PTGES3L: variants seen among roughly 807,000 people sequenced by gnomAD.
PTGES3L encodes the protein prostaglandin E synthase 3 like.
PTGES3L carries 17 observed loss-of-function variants against 25.0 expected under a neutral mutation model. The ratio of observed to expected loss-of-function variants is 0.68; its 90% CI spans 0.47 to 1.02. The LOEUF (loss-of-function observed/expected upper bound fraction) is 1.02. PTGES3L is among the 50% of genes least tolerant of loss of function. PTGES3L has a pLI of 0.00. For missense variants in PTGES3L, 202 were observed against 197.5 expected (o/e 1.02, Z -0.14); for synonymous variants, 59 against 65.7 (o/e 0.90, Z 0.50).
intron 4 of PTGES3L, among the ~76,000 whole-genome samples, chr17:42,972,365 G>GTCTCCCTCTCATGC (rs2049859167): frequency 1.0e-5 from 1 of 95,362 alleles, no homozygotes; most frequent in Non-Finnish European, 1.9e-5. Flanking sequence ...TCTTTCCACG[G>GTCTCCCTCTCATGC]TCTCCCTCTC....
intron 4 of PTGES3L, among the ~76,000 whole-genome samples, chr17:42,978,139 G>A (rs1044326384): frequency 4.0e-5 from 6 of 148,852 alleles, no homozygotes; most frequent in East Asian, 3.9e-4. Flanking sequence ...GGGCACATTG[G>A]CTCACGCCTG....
intron 4 of PTGES3L, among the ~76,000 whole-genome samples, chr17:42,972,981 C>G (rs2049876007): frequency 6.8e-6 from 1 of 147,454 alleles, no homozygotes; most frequent in African/African-American, 2.5e-5. Flanking sequence ...GCTGCCCCAT[C>G]TGGGATGTGA....
At position 42,970,330 on chromosome 17, in the gene PTGES3L, C is replaced by A. The variant is rs934758029; in HGVS notation, c.391G>T (p.Val131Phe). 5 of 1,613,796 alleles carry A rather than the reference C, an allele frequency of 3.1e-6. No homozygotes were observed. In the East Asian group the frequency reaches 6.7e-5, roughly 22 times the overall value. Residue 131 changes from valine (V) to phenylalanine (F), a missense_variant, in exon 6 of 7, where the codon GTC becomes TTC. Physicochemically the swap from Val to Phe is conservative, Grantham distance 50. Transcript: ENST00000591916. ...GCAGGTGGAGGTCTCTTGGTGCTGACCTTCTTCAAAAGCTAGTGGGAAGAA... is the reference window on the plus strand; with the variant it reads ...GCAGGTGGAGGTCTCTTGGTGCTGAACTTCTTCAAAAGCTAGTGGGAAGAA... ...VEHYAELLKK[V>F]STKRPPPAMD...
intron 4 of PTGES3L, among the ~76,000 whole-genome samples, chr17:42,976,564 G>C (rs560104673): frequency 6.6e-6 from 1 of 152,130 alleles, no homozygotes; most frequent in South Asian, 2.1e-4. Context: ...ATTTTTAGTA[G>C]AGACGGCGTT....
rs2151947808 is a variant in PTGES3L, at chr17:42,971,661, T to C, written c.324A>G (p.Arg108=). Reference sequence around the variant, plus strand: ...CCATCTCTTCATCCCCTTCCCAGTCTCTCCAGTTATCAAAGTCCACAGACA... The same window carrying C: ...CCATCTCTTCATCCCCTTCCCAGTCCCTCCAGTTATCAAAGTCCACAGACA... ...VWLSVDFDNW[R]DWEGDEEMEL... The change falls in exon 5 of 7, where the codon AGA becomes AGG. Residue 108 remains arginine (R), a synonymous_variant. Transcript: ENST00000591916. 6.2e-7 allele frequency: 1 copy of C among 1,613,850 alleles called. No individual in the cohort carries two copies. The highest frequency in any genetic ancestry group is 2.2e-5 in the East Asian group (1 of 44,868).
Position 42,969,076 on chromosome 17 carries a change from G to T in PTGES3L, c.*72C>A. The T allele has an allele frequency of 8.6e-7, 1 of 1,160,384 alleles. No individual in the cohort carries two copies. The highest frequency in any genetic ancestry group is 2.6e-5 in the East Asian group (1 of 39,102). 71.9% of individuals were successfully genotyped at this position (1,160,384 alleles called of 1,614,324 possible). A position where few individuals can be genotyped will look rare whatever the true frequency, so the allele number is the denominator to read the frequency against. ...GTGCACAGCCAAAGCGCTGACAAAG[G>T]CCTAGGCGCTAGCTTTCTAGAACAA... On this transcript the variant is annotated 3_prime_UTR_variant, in exon 7 of 7. Transcript: ENST00000591916.
In PTGES3L at chr17:42,971,734, G is replaced by C. The variant is rs779332264; in HGVS notation, c.289-38C>G. 3.1e-6 allele frequency: 5 copies of C among 1,609,042 alleles called. No individual in the cohort carries two copies. The African/African-American group carries it at 5.3e-5, about 17-fold the overall frequency. On this transcript the variant is annotated intron_variant, in intron 4 of 6. Transcript: ENST00000591916. ...GCACCAAGAGTCACAGGCCAGGAGG[G>C]CAGGAGCAGGAGTGTGTGGGAGAGT... is the stretch of plus-strand genomic sequence containing the variant.
At chr17:42,974,192 C>T (rs2049913332) in intron 4 of PTGES3L, among the ~76,000 whole-genome samples, 1 of 151,508 alleles carries the variant, frequency 6.6e-6, no homozygotes, top group Non-Finnish European at 1.5e-5. Flanking sequence ...AAAACCCCAT[C>T]TCTACTAAAA....
At chr17:42,975,020 C>T (rs1567724093) in intron 4 of PTGES3L, among the ~76,000 whole-genome samples, 1 of 150,960 alleles carries the variant, frequency 6.6e-6, no homozygotes, top group Non-Finnish European at 1.5e-5. Context: ...TCTGTTGTTC[C>T]ACCTACTCAA....
At chr17:42,972,512 C>T (rs1290173692) in intron 4 of PTGES3L, among the ~76,000 whole-genome samples, 2 of 152,274 alleles carry the variant, frequency 1.3e-5, no homozygotes, top group African/African-American at 2.4e-5. Context: ...TTGGTGGAGA[C>T]GGGGTTTCGC....
At chr17:42,977,693 AAAG>A (rs1410707154) in intron 4 of PTGES3L, among the ~76,000 whole-genome samples, 2 of 20,758 alleles carry the variant, frequency 9.6e-5, no homozygotes, top group African/African-American at 4.0e-4. Flanking sequence ...GAAAGAAAGA[AAAG>A]AAAGAAAGAA....
In PTGES3L at chr17:42,979,178, C is replaced by G. The variant is rs373872399; in HGVS notation, c.280G>C (p.Asp94His). 34 of 1,614,004 alleles carry G rather than the reference C, an allele frequency of 2.1e-5. No individual in the cohort carries two copies. The South Asian group carries it at 3.3e-4, about 16-fold the overall frequency. The change falls in exon 4 of 7, where the codon GAT becomes CAT. Residue 94 changes from aspartate (D) to histidine (H), a missense_variant. Transcript: ENST00000591916. Reference protein sequence around the residue: ...KVAWPRLTKEDIKPVWLSVDF... With the variant: ...KVAWPRLTKEHIKPVWLSVDF... ...ACTTTCCACACACCCACCTTGATAT[C>G]CTCCTTGGTAAGCCGCGGCCAGGCC...
intron 4 of PTGES3L, among the ~76,000 whole-genome samples, chr17:42,977,483 A>G (rs2049975692): frequency 6.6e-6 from 1 of 151,372 alleles, no homozygotes; most frequent in African/African-American, 2.4e-5. Flanking sequence ...ACACGCCTGT[A>G]ATCCCAGCTA....
intron 4 of PTGES3L, among the ~76,000 whole-genome samples, chr17:42,973,014 A>G (rs1473576284): frequency 4.0e-5 from 5 of 125,770 alleles, no homozygotes; most frequent in East Asian, 2.5e-4. Flanking sequence ...CCCGGCCGCG[A>G]CCCCGTCTGG....
chr17:42,979,509 G>T lies in PTGES3L; in HGVS notation c.122+41C>A, dbSNP rs543033324. 1.2e-4 allele frequency: 190 copies of T among 1,614,164 alleles called. 2 individuals carry two copies. The South Asian group carries it at 1.9e-3, about 16-fold the overall frequency. On this transcript the variant is annotated intron_variant, in intron 2 of 6. Transcript: ENST00000591916. ...GTGTGGGGACATTAGGAAAGGGGTA[G>T]ATTCCTGGGAAGCCAGGCCCTCGGA...
chr17:42,979,321 A>T, intron 3 of PTGES3L, 53 bp from the exon 4 acceptor site: 1 of 1,614,170 alleles, frequency 6.2e-7, no homozygotes, highest in Non-Finnish European at 8.5e-7. Flanking sequence ...ATTAATCTCC[A>T]GTTTCCCTGG....
intron 5 of PTGES3L, 25 bp downstream of exon 5, chr17:42,971,582 G>A: frequency 1.2e-6 from 2 of 1,612,518 alleles, no homozygotes; most frequent in Non-Finnish European, 8.5e-7. Context: ...CAAGTGGGCA[G>A]AACACAGTAG....
chr17:42,971,825 G>T, intron 4 of PTGES3L, 129 bp from the exon 5 acceptor site: 1 of 761,764 alleles, frequency 1.3e-6, no homozygotes, highest in Non-Finnish European at 2.1e-6. Context: ...CCTCCCAACT[G>T]CACTCCTTTG....
intron 6 of PTGES3L, 95 bp from the exon 7 acceptor site, chr17:42,969,281 C>A: frequency 2.7e-6 from 2 of 745,000 alleles, no homozygotes; most frequent in Non-Finnish European, 4.2e-6. Flanking sequence ...TCCTGTTCTC[C>A]AAGTTTCTTT....
Sources: allele counts gnomAD v4.1 joint callset (sites outside exome capture counted in the v4.1 genomes callset), GRCh38; gene constraint gnomAD v4.1.1; transcripts MANE v1.5; gene names NCBI Gene and HGNC (gene_info 2026-07-23, HGNC 2026-07-21).